LRP1B: variants seen among roughly 807,000 people sequenced by gnomAD.
The protein encoded by LRP1B is LDL receptor related protein 1B.
Under a neutral mutation model 556.6 loss-of-function variants are expected in LRP1B, and 217 were observed. That is an observed-to-expected ratio of 0.39 (90% CI 0.35 to 0.44). The LOEUF (loss-of-function observed/expected upper bound fraction) is 0.44. Among genes scored for constraint, LRP1B ranks in the 20% least tolerant of loss-of-function variants. The pLI is 1.00. For synonymous variants in LRP1B, 2,047 were observed against 1,865.8 expected, an observed-to-expected ratio of 1.10 and a Z score of -2.50; for missense variants, 5,053 against 5,620.8, an observed-to-expected ratio of 0.90 and a Z score of 3.23.
chr2:140,685,960 G>A (rs1253350377), intron 41 of LRP1B, among the ~76,000 whole-genome samples: 2 of 152,128 alleles, frequency 1.3e-5, no homozygotes, highest in Non-Finnish European at 2.9e-5. Context: ...GGTTTTAAAA[G>A]AGGGAAATCA....
chr2:141,616,151 G>A (rs1297410494), intron 2 of LRP1B, among the ~76,000 whole-genome samples: 9 of 151,906 alleles, frequency 5.9e-5, no homozygotes, highest in Non-Finnish European at 8.8e-5. Flanking sequence ...GTGTGGTGGC[G>A]TGTGCCTGTA....
chr2:141,199,167 TAG>T (rs554306103), intron 6 of LRP1B, among the ~76,000 whole-genome samples: 2 of 152,164 alleles, frequency 1.3e-5, no homozygotes, highest in Non-Finnish European at 2.9e-5. Context: ...CTTAAACTGA[TAG>T]ACTCTTAAGA....
chr2:142,002,156 T>C (rs567497785), intron 1 of LRP1B, among the ~76,000 whole-genome samples: 7 of 152,284 alleles, frequency 4.6e-5, no homozygotes, highest in African/African-American at 7.2e-5. Flanking sequence ...TTTAATTATA[T>C]ATTGAGTGTG....
intron 2 of LRP1B, among the ~76,000 whole-genome samples, chr2:141,648,299 T>G: frequency 6.8e-6 from 1 of 146,984 alleles, no homozygotes; most frequent in East Asian, 1.9e-4. Flanking sequence ...ATTTCACTTC[T>G]TTCATTGATT....
At chr2:141,426,387 T>C (rs927511780) in intron 3 of LRP1B, among the ~76,000 whole-genome samples, 3 of 152,174 alleles carry the variant, frequency 2.0e-5, no homozygotes, top group Admixed American at 2.0e-4. Context: ...ATTTTTCAAA[T>C]AAAATAAGTA....
intron 14 of LRP1B, among the ~76,000 whole-genome samples, chr2:141,011,983 T>C (rs936537463): frequency 6.6e-6 from 1 of 152,102 alleles, no homozygotes; most frequent in African/African-American, 2.4e-5. Context: ...CATAATTTGT[T>C]TGTCAGGCAC....
intron 2 of LRP1B, among the ~76,000 whole-genome samples, chr2:141,617,140 G>C (rs1046668158): frequency 6.6e-6 from 1 of 152,022 alleles, no homozygotes; most frequent in Non-Finnish European, 1.5e-5. Flanking sequence ...TTACATTCGG[G>C]TGTCTGCCTT....
chr2:140,938,829 G>T (rs1695309065), intron 20 of LRP1B, among the ~76,000 whole-genome samples: 1 of 151,866 alleles, frequency 6.6e-6, no homozygotes, highest in African/African-American at 2.4e-5. Context: ...ATTGCTAAAT[G>T]ATATATACAG....
At chr2:140,836,066 T>A (rs1691892796) in intron 31 of LRP1B, among the ~76,000 whole-genome samples, 1 of 152,196 alleles carries the variant, frequency 6.6e-6, no homozygotes, top group Non-Finnish European at 1.5e-5. Context: ...ATGAAAATGT[T>A]GCATTTATTT....
chr2:140,822,557 A>T (rs1373841869), intron 31 of LRP1B, among the ~76,000 whole-genome samples: 1 of 152,242 alleles, frequency 6.6e-6, no homozygotes, highest in African/African-American at 2.4e-5. Context: ...CAAAGCAATT[A>T]AAGATTCAGA....
chr2:141,159,585 CA>C (rs895467071), intron 7 of LRP1B, among the ~76,000 whole-genome samples: 10 of 152,034 alleles, frequency 6.6e-5, no homozygotes, highest in African/African-American at 1.7e-4. Context: ...TCTTAAAAAG[CA>C]AAGGTAATTA....
intron 84 of LRP1B, among the ~76,000 whole-genome samples, chr2:140,281,613 A>T (rs1682915641): frequency 6.6e-6 from 1 of 151,880 alleles, no homozygotes; most frequent in South Asian, 2.1e-4. Flanking sequence ...GGCCTTTAAA[A>T]ATAAATTTTG....
At chr2:141,680,092 G>C (rs76368907) in intron 2 of LRP1B, among the ~76,000 whole-genome samples, 1 of 151,874 alleles carries the variant, frequency 6.6e-6, no homozygotes, top group Non-Finnish European at 1.5e-5. Flanking sequence ...TTAAACCTGG[G>C]GAGGGTGGGC....
At position 141,855,070 on chromosome 2, in the gene LRP1B, G is replaced by T. The variant is rs150962568; in HGVS notation, c.83-44669C>A. Among the ~76,000 whole-genome samples, 8 of 152,058 alleles carry T rather than the reference G, an allele frequency of 5.3e-5. No homozygotes were observed. In the East Asian group the frequency reaches 1.4e-3, roughly 26 times the overall value. On this transcript the variant is annotated intron_variant, in intron 1 of 90. Coordinates refer to ENST00000389484, the MANE Select transcript of LRP1B (RefSeq NM_018557.3). ...AAATTTTGTTTTCTTTCTTTCAAAGGCAAGGTGTTGGGGTGCTAGGAAGAA... is the reference window on the plus strand; with the variant it reads ...AAATTTTGTTTTCTTTCTTTCAAAGTCAAGGTGTTGGGGTGCTAGGAAGAA...
intron 2 of LRP1B, among the ~76,000 whole-genome samples, chr2:141,664,607 T>A (rs1004778752): frequency 2.6e-5 from 4 of 152,252 alleles, no homozygotes; most frequent in Admixed American, 2.6e-4. Flanking sequence ...TATTCACAAT[T>A]GCTGCAAAGA....
intron 1 of LRP1B, among the ~76,000 whole-genome samples, chr2:141,853,716 T>A (rs2105778814): frequency 6.6e-6 from 1 of 152,072 alleles, no homozygotes; most frequent in East Asian, 1.9e-4. Flanking sequence ...ATGAGGCTAC[T>A]ATAAAGTGAC....
chr2:141,412,892 T>C lies in LRP1B; in HGVS notation c.343+67504A>G, dbSNP rs1031759201. 2.0e-5 allele frequency among the ~76,000 whole-genome samples: 3 copies of C among 152,056 alleles called. 1 individual carries two copies. The highest frequency in any genetic ancestry group is 4.4e-5 in the Non-Finnish European group (3 of 68,016). ...ATGCCCGAATCCTGAAATATATAAA[T>C]AAGTTACCTTATATGACAAAGAAGA... On this transcript the variant is annotated intron_variant, in intron 3 of 90. Transcript: ENST00000389484.
chr2:141,254,870 C>T (rs1374086393), intron 3 of LRP1B, among the ~76,000 whole-genome samples: 2 of 151,976 alleles, frequency 1.3e-5, no homozygotes, highest in Admixed American at 6.6e-5. Flanking sequence ...TAGCTTATTA[C>T]TGTGTTCATA....
At chr2:141,829,336 C>G (rs879326229) in intron 1 of LRP1B, among the ~76,000 whole-genome samples, 3 of 151,910 alleles carry the variant, frequency 2.0e-5, no homozygotes, top group Non-Finnish European at 4.4e-5. Context: ...CTTTCTTGTT[C>G]TAAAGAGCGT....
Sources: allele counts gnomAD v4.1 joint callset (sites outside exome capture counted in the v4.1 genomes callset), GRCh38; gene constraint gnomAD v4.1.1; transcripts MANE v1.5; gene names NCBI Gene and HGNC (gene_info 2026-07-23, HGNC 2026-07-21).